Variants in CCDC77 observed in about 807,000 individuals in gnomAD.
The protein encoded by CCDC77 is coiled-coil domain-containing protein 77.
In CCDC77, 56 loss-of-function variants were observed where a neutral mutation model predicts 66.8. The ratio of observed to expected loss-of-function variants is 0.84; its 90% CI spans 0.68 to 1.05. The LOEUF (loss-of-function observed/expected upper bound fraction) is 1.05. Ranked by LOEUF, CCDC77 falls within the 50% of genes least tolerant of loss-of-function variation. CCDC77 has a pLI of 0.00. For missense variants in CCDC77, 570 were observed against 576.8 expected (o/e 0.99, Z 0.12); for synonymous variants, 196 against 195.2 (o/e 1.00, Z -0.03).
chr12:411,520 A>G (rs1223006257), intron 3 of CCDC77, among the ~76,000 whole-genome samples: 1 of 148,120 alleles, frequency 6.8e-6, no homozygotes, highest in Non-Finnish European at 1.5e-5. Context: ...GTTTCACTAT[A>G]TTGCCCAGGC....
chr12:406,007 C>T (rs1022244113), intron 2 of CCDC77, among the ~76,000 whole-genome samples: 3 of 151,522 alleles, frequency 2.0e-5, no homozygotes. Context: ...CAGCCTTGAT[C>T]CCCCGGTGCA....
chr12:416,057 C>G (rs57415064), intron 4 of CCDC77, among the ~76,000 whole-genome samples: 1 of 151,602 alleles, frequency 6.6e-6, no homozygotes, highest in Non-Finnish European at 1.5e-5. Flanking sequence ...CCATCTGGCT[C>G]GGCCTCCCAA....
exon 1 of CCDC77, chr12:389,403 T>G: frequency 5.7e-6 from 3 of 524,220 alleles, no homozygotes; most frequent in Non-Finnish European, 7.0e-6. Flanking sequence ...TCTTCTTCTC[T>G]TCCCCGGCAG....
chr12:441,007 G>T lies in CCDC77; in HGVS notation c.1320+11G>T. 1 of 1,607,570 alleles carries T rather than the reference G, an allele frequency of 6.2e-7. No homozygotes were observed. The highest frequency in any genetic ancestry group is 8.5e-7 in the Non-Finnish European group (1 of 1,179,708). The stretch of plus-strand genomic sequence containing the variant: ...CAAATGTTGTATAAGGTAATTGCTG[G>T]TCCTGAATTGCCACGAGGGAGAGAA... On this transcript the variant is annotated intron_variant, in intron 12 of 12. Transcript: ENST00000239830.
chr12:439,383 G>A (rs1285956996), intron 10 of CCDC77, among the ~76,000 whole-genome samples: 1 of 151,906 alleles, frequency 6.6e-6, no homozygotes, highest in Non-Finnish European at 1.5e-5. Context: ...GGTGGGGCGT[G>A]GTGGTGGGCA....
chr12:423,114 CTTTTTTTTT>C (rs139334337), intron 5 of CCDC77, among the ~76,000 whole-genome samples: 2 of 74,542 alleles, frequency 2.7e-5, no homozygotes, highest in Admixed American at 2.2e-4. Context: ...TCTTTTAAGC[CTTTTTTTTT>C]TTTTTTTTTT....
rs552236276 is a variant in CCDC77, at chr12:422,304, T to C, written c.413+3668T>C. On this transcript the variant is annotated intron_variant, in intron 5 of 12. Coordinates refer to ENST00000239830, the MANE Select transcript of CCDC77 (RefSeq NM_032358.4). ...AGCAAAAAGTTCACCATTTTAGCCA[T>C]CTGAAGTGTACGGTTCAGTGGCATT... Among the ~76,000 whole-genome samples, 23 of 152,286 alleles carry C rather than the reference T, an allele frequency of 1.5e-4. No individual in the cohort carries two copies. The East Asian group carries it at 4.0e-3, about 27-fold the overall frequency.
At chr12:423,489 G>GTTTTTTTT (rs1179236405) in intron 5 of CCDC77, among the ~76,000 whole-genome samples, 1 of 32,694 alleles carries the variant, frequency 3.1e-5, no homozygotes, top group African/African-American at 1.3e-4. Context: ...GTTTTTTTTT[G>GTTTTTTTT]TTTTGTTTTT....
At chr12:402,380 A>G (rs898794539) in intron 1 of CCDC77, among the ~76,000 whole-genome samples, 2 of 152,212 alleles carry the variant, frequency 1.3e-5, no homozygotes, top group African/African-American at 4.8e-5. Flanking sequence ...TTTTTGCTAA[A>G]TCATTTTGGA....
At chr12:409,326 C>T in intron 2 of CCDC77, 42 bp from the exon 3 acceptor site, 4 of 1,434,636 alleles carry the variant, frequency 2.8e-6, no homozygotes, top group East Asian at 2.3e-5. Context: ...TTTTATTTTT[C>T]TATTCGTGGC....
At chr12:417,534 G>A (rs545373193) in intron 4 of CCDC77, among the ~76,000 whole-genome samples, 53 of 152,188 alleles carry the variant, frequency 3.5e-4, no homozygotes, top group Non-Finnish European at 6.5e-4. Context: ...ATGAAATTCC[G>A]TAGCTCTGTA....
chr12:433,220 G>C lies in CCDC77; in HGVS notation c.719G>C (p.Arg240Pro). The change falls in exon 9 of 13, where the codon CGA (arginine) becomes CCA (proline). Residue 240 changes from arginine (R) to proline (P), a missense_variant. Coordinates refer to ENST00000239830, the MANE Select transcript of CCDC77 (RefSeq NM_032358.4). ...CTGGGAGAGCAGACCAAACTTTCTC[G>C]AGAACAAATTGAAGGGCTCATCGAG... ...AQLGEQTKLS[R>P]EQIEGLIEDR... 1.2e-6 allele frequency: 2 copies of C among 1,613,980 alleles called. No individual in the cohort carries two copies. Among genetic ancestry groups the C allele is most frequent in the Non-Finnish European group, 1.7e-6 (2 of 1,179,978 alleles).
At chr12:440,593 G>A (rs1054749094) in intron 10 of CCDC77, 24 bp from the exon 11 acceptor site, 1 of 1,612,288 alleles carries the variant, frequency 6.2e-7, no homozygotes, top group African/African-American at 1.3e-5. Context: ...GAGTGTTAAT[G>A]TTTTTTGTCC....
chr12:427,053 T>C (rs1945547163), intron 5 of CCDC77, among the ~76,000 whole-genome samples: 1 of 152,134 alleles, frequency 6.6e-6, no homozygotes, highest in Non-Finnish European at 1.5e-5. Flanking sequence ...AAGACCAGCC[T>C]GGCCAACATG....
At chr12:409,532 C>G in intron 3 of CCDC77, 111 bp downstream of exon 3, 1 of 1,028,394 alleles carries the variant, frequency 9.7e-7, no homozygotes, top group Non-Finnish European at 1.5e-6. Flanking sequence ...AGTTTTTTTT[C>G]TTTGAGACAG....
intron 1 of CCDC77, among the ~76,000 whole-genome samples, chr12:402,704 G>C (rs1359631278): frequency 1.3e-5 from 2 of 152,210 alleles, no homozygotes; most frequent in African/African-American, 2.4e-5. Flanking sequence ...AAATGGTCCA[G>C]GAGACGCAAG....
chr12:411,803 G>A lies in CCDC77; in HGVS notation c.95G>A (p.Gly32Glu), dbSNP rs1215489626. 1.2e-6 allele frequency: 2 copies of A among 1,614,024 alleles called. No individual in the cohort carries two copies. The highest frequency in any genetic ancestry group is 1.3e-5 in the African/African-American group (1 of 74,906). ...GTCAGTGGTCCCACCAAGAGGAGGGGAATGGCAGATTCACTGGAGTCAACC... is the reference window on the plus strand; with the variant it reads ...GTCAGTGGTCCCACCAAGAGGAGGGAAATGGCAGATTCACTGGAGTCAACC... ...VAVSGPTKRR[G>E]MADSLESTPL... Residue 32 changes from glycine (G) to glutamate (E), a missense_variant, in exon 4 of 13, where the codon GGA becomes GAA. Physicochemically the swap from Gly to Glu is moderately conservative, Grantham distance 98 (BLOSUM62 -2). Transcript: ENST00000239830.
intron 4 of CCDC77, among the ~76,000 whole-genome samples, chr12:412,330 A>G (rs1389159190): frequency 6.6e-6 from 1 of 152,158 alleles, no homozygotes; most frequent in African/African-American, 2.4e-5. Context: ...AAACCCCATG[A>G]TGCTTTACTT....
chr12:403,735 A>G (rs1054305521), intron 1 of CCDC77, among the ~76,000 whole-genome samples: 1 of 152,144 alleles, frequency 6.6e-6, no homozygotes, highest in Non-Finnish European at 1.5e-5. Context: ...CCAGCAGTCC[A>G]TTCACCTTGG....
Sources: gnomAD v4.1 joint callset for allele counts (sites outside exome capture counted in the v4.1 genomes callset) on GRCh38, gnomAD v4.1.1 for gene constraint, MANE v1.5 for transcripts, NCBI Gene and HGNC (gene_info 2026-07-23, HGNC 2026-07-21) for gene names.